Variants in COMMD10 observed in about 807,000 individuals in gnomAD.
The protein encoded by COMMD10 is COMM domain-containing protein 10.
Under a neutral mutation model 28.9 loss-of-function variants are expected in COMMD10, and 33 were observed. The ratio of observed to expected loss-of-function variants is 1.14; its 90% CI spans 0.87 to 1.53. The LOEUF (loss-of-function observed/expected upper bound fraction) is 1.53, where lower values mean the gene tolerates loss of function less well. Among genes scored for constraint, COMMD10 ranks in the 40% most tolerant of loss-of-function variants. COMMD10 has a pLI of 0.00. For synonymous variants in COMMD10, 110 were observed against 81.7 expected, an observed-to-expected ratio of 1.35 and a Z score of -1.87; for missense variants, 310 against 233.4, an observed-to-expected ratio of 1.33 and a Z score of -2.14.
chr5:116,270,795 G>T (rs1750732801), intron 5 of COMMD10, among the ~76,000 whole-genome samples: 1 of 151,514 alleles, frequency 6.6e-6, no homozygotes, highest in South Asian at 2.1e-4. Context: ...GAATTAGTTG[G>T]GCTTGATGGT....
chr5:116,098,847 T>C (rs1168692942), intron 4 of COMMD10, among the ~76,000 whole-genome samples: 1 of 152,188 alleles, frequency 6.6e-6, no homozygotes, highest in Non-Finnish European at 1.5e-5. Flanking sequence ...TAAACAAAAA[T>C]TATGCGTATT....
At chr5:116,169,139 G>C (rs531700754) in intron 5 of COMMD10, among the ~76,000 whole-genome samples, 10 of 152,132 alleles carry the variant, frequency 6.6e-5, no homozygotes, top group Admixed American at 2.0e-4. Flanking sequence ...GAATTAAATA[G>C]ACACAATAAA....
At chr5:116,138,702 A>G (rs761947652) in intron 5 of COMMD10, among the ~76,000 whole-genome samples, 2 of 151,734 alleles carry the variant, frequency 1.3e-5, no homozygotes, top group Non-Finnish European at 3.0e-5. Context: ...AAATTAGATT[A>G]TAATCAGATT....
At chr5:116,267,534 T>C (rs1256276969) in intron 5 of COMMD10, among the ~76,000 whole-genome samples, 2 of 151,864 alleles carry the variant, frequency 1.3e-5, no homozygotes, top group Non-Finnish European at 2.9e-5. Context: ...CAAGGTAATT[T>C]ACAGATTCAA....
chr5:116,285,932 A>G (rs868835179), intron 5 of COMMD10, among the ~76,000 whole-genome samples: 1 of 151,912 alleles, frequency 6.6e-6, no homozygotes, highest in Non-Finnish European at 1.5e-5. Flanking sequence ...GAGTTTCAGG[A>G]CAATGGATGT....
intron 5 of COMMD10, among the ~76,000 whole-genome samples, chr5:116,187,654 A>C (rs867739903): frequency 1.3e-5 from 2 of 152,242 alleles, no homozygotes; most frequent in Middle Eastern, 3.4e-3. Context: ...TATTTGTAGT[A>C]TATTCTAATT....
intron 5 of COMMD10, among the ~76,000 whole-genome samples, chr5:116,270,791 G>A (rs977958817): frequency 2.0e-5 from 3 of 151,590 alleles, no homozygotes; most frequent in Non-Finnish European, 2.9e-5. Context: ...AGAAGAATTA[G>A]TTGGGCTTGA....
At chr5:116,223,966 T>C (rs564062987) in intron 5 of COMMD10, among the ~76,000 whole-genome samples, 1 of 152,304 alleles carries the variant, frequency 6.6e-6, no homozygotes, top group African/African-American at 2.4e-5. Flanking sequence ...TTAAAAGTAA[T>C]GCATGTGTTT....
rs537789264 is a variant in COMMD10 at position 116,152,955 on chromosome 5, C to T, written c.510+18777C>T. ...AGCTTTGTGAGTGGGTATTTTGTTT[C>T]CAGCTATACAGAAGTTGCATAATAG... On this transcript the variant is annotated intron_variant, in intron 5 of 6. Coordinates refer to ENST00000274458, the MANE Select transcript of COMMD10 (RefSeq NM_016144.4). Among the ~76,000 whole-genome samples, 6 of 152,030 alleles carry T rather than the reference C, an allele frequency of 3.9e-5. No homozygotes were observed. In the South Asian group the frequency reaches 6.2e-4, roughly 16 times the overall value.
At chr5:116,221,669 C>T (rs760029739) in intron 5 of COMMD10, among the ~76,000 whole-genome samples, 8 of 152,152 alleles carry the variant, frequency 5.3e-5, no homozygotes, top group Admixed American at 2.0e-4. Context: ...TGCATCTCCT[C>T]ACTGTGGGCT....
chr5:116,127,425 G>A (rs1472313798), intron 4 of COMMD10, among the ~76,000 whole-genome samples: 3 of 152,072 alleles, frequency 2.0e-5, no homozygotes, highest in African/African-American at 7.2e-5. Context: ...CCCATTACTA[G>A]GTATATACCC....
intron 5 of COMMD10, among the ~76,000 whole-genome samples, chr5:116,267,103 C>G (rs1256667663): frequency 6.6e-6 from 1 of 151,736 alleles, no homozygotes; most frequent in Non-Finnish European, 1.5e-5. Flanking sequence ...CCAGGGCAAT[C>G]AGACAGGAGA....
At chr5:116,201,425 C>G (rs1199616862) in intron 5 of COMMD10, among the ~76,000 whole-genome samples, 2 of 152,114 alleles carry the variant, frequency 1.3e-5, no homozygotes, top group African/African-American at 4.8e-5. Flanking sequence ...CACACTGACT[C>G]CAGCAATTAA....
At position 116,229,075 on chromosome 5, in the gene COMMD10, G is replaced by T. The variant is rs139142532; in HGVS notation, c.511-62442G>T. ...AGATGCTGATTCGTCTTTACATTTAGGCATAAAAGAGGGAGTACATAGAGA... is the reference window on the plus strand; with the variant it reads ...AGATGCTGATTCGTCTTTACATTTATGCATAAAAGAGGGAGTACATAGAGA... On this transcript the variant is annotated intron_variant, in intron 5 of 6. Transcript: ENST00000274458. Among the ~76,000 whole-genome samples, 1,028 of 152,020 alleles carry T rather than the reference G, an allele frequency of 6.8e-3. 4 individuals carry two copies. Among genetic ancestry groups the T allele is most frequent in the East Asian group, 0.012 (64 of 5,180 alleles).
At chr5:116,282,973 C>G (rs1751113837) in intron 5 of COMMD10, among the ~76,000 whole-genome samples, 1 of 151,928 alleles carries the variant, frequency 6.6e-6, no homozygotes, top group Non-Finnish European at 1.5e-5. Flanking sequence ...GCAGAGACTT[C>G]TGGTGGGTTT....
intron 5 of COMMD10, among the ~76,000 whole-genome samples, chr5:116,149,968 T>C (rs1752465931): frequency 6.6e-6 from 1 of 152,168 alleles, no homozygotes; most frequent in Non-Finnish European, 1.5e-5. Flanking sequence ...TAGGTTTTCT[T>C]CTAAGGTTTT....
chr5:116,179,256 T>C (rs1747862828), intron 5 of COMMD10, among the ~76,000 whole-genome samples: 1 of 152,146 alleles, frequency 6.6e-6, no homozygotes, highest in African/African-American at 2.4e-5. Context: ...CTATAAGTGT[T>C]GTGGGAGTTA....
At chr5:116,280,509 A>C (rs1479236174) in intron 5 of COMMD10, among the ~76,000 whole-genome samples, 1 of 151,854 alleles carries the variant, frequency 6.6e-6, no homozygotes, top group African/African-American at 2.4e-5. Context: ...GGCAACCTGC[A>C]GACATAAAGA....
chr5:116,134,156 G>T lies in COMMD10; in HGVS notation c.488G>T (p.Gly163Val). ...TCTCCTCAAGCTGTGTTACAACTCG[G>T]AGTGAACAATGAAGATTCAAAGGTA... ...LKSPQAVLQL[G>V]VNNEDSKSLE... The change falls in exon 5 of 7, where the codon GGA becomes GTA. Residue 163 changes from glycine to valine, a missense_variant. By Grantham distance (109) the Gly-to-Val change is moderately radical (BLOSUM62 -3). Coordinates refer to ENST00000274458, the MANE Select transcript of COMMD10 (RefSeq NM_016144.4). 2 of 1,604,354 alleles carry T rather than the reference G, an allele frequency of 1.2e-6. No individual in the cohort carries two copies. Among genetic ancestry groups the T allele is most frequent in the Non-Finnish European group, 1.7e-6 (2 of 1,171,050 alleles).
Sources: gnomAD v4.1 joint callset for allele counts (sites outside exome capture counted in the v4.1 genomes callset) on GRCh38, gnomAD v4.1.1 for gene constraint, MANE v1.5 for transcripts, NCBI Gene and HGNC (gene_info 2026-07-23, HGNC 2026-07-21) for gene names.